The following PVT1 variants were observed in gnomAD, a reference collection of about 807,000 sequenced individuals.
PVT1 encodes the protein Pvt1 oncogene.
At chr8:127,878,820 T>TGAG (rs1409982946) in intron 2 of PVT1, among the ~76,000 whole-genome samples, 1 of 152,154 alleles carries the variant, frequency 6.6e-6, no homozygotes, top group African/African-American at 2.4e-5. Flanking sequence ...ATCTTGCAGA[T>TGAG]GAGGGTGTTT....
In PVT1 at chr8:127,831,062, GTGTATA is replaced by G. The variant is rs1293520072; in HGVS notation, n.372+34993_372+34998del. Among the ~76,000 whole-genome samples the G allele has an allele frequency of 3.2e-3, 323 of 101,100 alleles. 1 individual carries two copies. The highest frequency in any genetic ancestry group is 0.017 in the East Asian group (74 of 4,286). The allele number at this position is 101,100 out of a possible 152,430, so 66.3% of individuals were successfully genotyped here. A position where few individuals can be genotyped will look rare whatever the true frequency, so the allele number is the denominator to read the frequency against. ...TACATACGTGTGTGTGTGTGTGTGT[GTGTATA>G]TATATATAGATAAAACTCCTCTTTA... On this transcript the variant is annotated intron_variant and non_coding_transcript_variant, in intron 2 of 10. Transcript: ENST00000651587.
intron 3 of PVT1, chr8:127,940,417 C>G (rs189269066): frequency 6.6e-6 from 1 of 152,108 alleles, no homozygotes; most frequent in African/African-American, 2.4e-5. Flanking sequence ...TGGTCAGACC[C>G]GGTTCTGCTC....
intron 4 of PVT1, among the ~76,000 whole-genome samples, chr8:128,027,660 TC>T (rs1813328053): frequency 6.6e-6 from 1 of 152,188 alleles, no homozygotes; most frequent in Non-Finnish European, 1.5e-5. Context: ...GGTTCTTGCC[TC>T]CCTGGGCTGT....
At chr8:128,013,180 C>T (rs975461308) in intron 4 of PVT1, among the ~76,000 whole-genome samples, 2 of 152,186 alleles carry the variant, frequency 1.3e-5, no homozygotes, top group Admixed American at 6.5e-5. Context: ...GGCCACCCCC[C>T]CTTCCCTGTG....
chr8:127,922,333 G>A (rs996086669), intron 3 of PVT1, among the ~76,000 whole-genome samples: 112 of 125,622 alleles, frequency 8.9e-4, no homozygotes, highest in Non-Finnish European at 1.4e-3. Flanking sequence ...CCAGATCACA[G>A]CCAAATGGGT....
At chr8:127,831,667 G>A (rs1814852182) in intron 2 of PVT1, among the ~76,000 whole-genome samples, 1 of 152,188 alleles carries the variant, frequency 6.6e-6, no homozygotes, top group Non-Finnish European at 1.5e-5. Flanking sequence ...TGGTGAGGCA[G>A]AAAAACATGC....
chr8:127,855,408 C>T (rs1024184011), intron 2 of PVT1: 12 of 390,662 alleles, frequency 3.1e-5, no homozygotes, highest in East Asian at 7.3e-5. Flanking sequence ...CCCTTGTTGA[C>T]GCTGTAAAGT....
chr8:127,957,584 AAAG>A (rs1206501869), intron 3 of PVT1, among the ~76,000 whole-genome samples: 3 of 150,276 alleles, frequency 2.0e-5, no homozygotes, highest in African/African-American at 7.5e-5. Context: ...AAAAAAAAAA[AAAG>A]AAAAGAAAAG....
chr8:127,860,628 G>C (rs1286159615), intron 2 of PVT1, among the ~76,000 whole-genome samples: 1 of 151,994 alleles, frequency 6.6e-6, no homozygotes, highest in Non-Finnish European at 1.5e-5. Context: ...AGCTGGGCGT[G>C]GTGGCACGTG....
intron 3 of PVT1, among the ~76,000 whole-genome samples, chr8:127,960,184 A>T (rs1816623068): frequency 6.6e-6 from 1 of 152,174 alleles, no homozygotes; most frequent in Non-Finnish European, 1.5e-5. Context: ...CTGTTACTGC[A>T]GTTTCCAAGT....
chr8:127,799,135 G>T (rs1014151724), intron 2 of PVT1, among the ~76,000 whole-genome samples: 1 of 151,842 alleles, frequency 6.6e-6, no homozygotes, highest in Non-Finnish European at 1.5e-5. Flanking sequence ...AGTTAGGTGG[G>T]GGGGGAGGTA....
At chr8:128,033,510 T>C (rs1431656121) in intron 4 of PVT1, among the ~76,000 whole-genome samples, 1 of 152,220 alleles carries the variant, frequency 6.6e-6, no homozygotes, top group African/African-American at 2.4e-5. Flanking sequence ...TTCCACAAGC[T>C]TCTCCCTGGG....
intron 2 of PVT1, among the ~76,000 whole-genome samples, chr8:127,822,584 A>G (rs1043781462): frequency 6.6e-6 from 1 of 152,190 alleles, no homozygotes; most frequent in African/African-American, 2.4e-5. Flanking sequence ...CTCAGAAAAG[A>G]AAGAAAGAAA....
At chr8:128,046,870 C>T (rs574718496) in intron 4 of PVT1, among the ~76,000 whole-genome samples, 1 of 152,334 alleles carries the variant, frequency 6.6e-6, no homozygotes, top group South Asian at 2.1e-4. Flanking sequence ...TCTCTAATCA[C>T]GTAGATTACA....
intron 2 of PVT1, among the ~76,000 whole-genome samples, chr8:127,883,242 T>C (rs1249764284): frequency 6.6e-6 from 1 of 152,208 alleles, no homozygotes; most frequent in Non-Finnish European, 1.5e-5. Context: ...TTCTGTGTTC[T>C]GTACCTCATA....
intron 3 of PVT1, among the ~76,000 whole-genome samples, chr8:127,893,231 G>A (rs986642469): frequency 1.2e-4 from 19 of 152,082 alleles, no homozygotes; most frequent in African/African-American, 1.9e-4. Context: ...TATGAGATGC[G>A]CACCATTATG....
At chr8:127,922,563 C>A (rs1442711083) in intron 3 of PVT1, among the ~76,000 whole-genome samples, 1 of 152,196 alleles carries the variant, frequency 6.6e-6, no homozygotes, top group African/African-American at 2.4e-5. Flanking sequence ...CTCTGAGCTA[C>A]CTTCCTACCT....
At chr8:127,796,969 C>T (rs1410542535) in intron 2 of PVT1, among the ~76,000 whole-genome samples, 2 of 150,600 alleles carry the variant, frequency 1.3e-5, no homozygotes, top group African/African-American at 2.4e-5. Flanking sequence ...ACTTCCGCCT[C>T]CCAGGTTCAA....
chr8:128,065,422 G>A (rs1813892888), intron 4 of PVT1, among the ~76,000 whole-genome samples: 1 of 152,188 alleles, frequency 6.6e-6, no homozygotes, highest in Non-Finnish European at 1.5e-5. Context: ...CTGACTGCAA[G>A]TGATCCACCC....
Sources: gnomAD v4.1 joint callset for allele counts (sites outside exome capture counted in the v4.1 genomes callset) on GRCh38, gnomAD v4.1.1 for gene constraint, MANE v1.5 for transcripts, NCBI Gene and HGNC (gene_info 2026-07-23, HGNC 2026-07-21) for gene names.